NELL2: variants seen among roughly 807,000 people sequenced by gnomAD.
The protein encoded by NELL2 is protein kinase C-binding protein NELL2.
Under a neutral mutation model 109.6 loss-of-function variants are expected in NELL2, and 41 were observed. The observed-to-expected ratio is 0.37, with a 90% confidence interval of 0.29 to 0.49. The LOEUF is 0.49. Among genes scored for constraint, NELL2 ranks in the 20% least tolerant of loss-of-function variants. The probability of loss-of-function intolerance (pLI) is 0.98; values close to 1 mark genes in which losing one functional copy is unlikely to be tolerated. For missense variants in NELL2, 900 were observed against 1,008.3 expected (o/e 0.89, Z 1.45); for synonymous variants, 355 against 344.7 (o/e 1.03, Z -0.33).
intron 9 of NELL2, among the ~76,000 whole-genome samples, chr12:44,755,398 A>T (rs895915390): frequency 6.6e-6 from 1 of 152,028 alleles, no homozygotes; most frequent in Non-Finnish European, 1.5e-5. Flanking sequence ...ACATTCATAG[A>T]CACTCCCCTT....
At chr12:44,527,544 T>C (rs1049080222) in intron 16 of NELL2, among the ~76,000 whole-genome samples, 3 of 152,198 alleles carry the variant, frequency 2.0e-5, no homozygotes, top group Admixed American at 6.5e-5. Context: ...ACAGTGAAGT[T>C]ATTTATTCAT....
At chr12:44,568,792 TAC>T (rs2136192585) in intron 15 of NELL2, among the ~76,000 whole-genome samples, 1 of 152,190 alleles carries the variant, frequency 6.6e-6, no homozygotes, top group Non-Finnish European at 1.5e-5. Context: ...TATATACACA[TAC>T]ATATATAGCA....
At chr12:44,576,997 A>T (rs541490311) in intron 15 of NELL2, among the ~76,000 whole-genome samples, 1 of 140,256 alleles carries the variant, frequency 7.1e-6, no homozygotes, top group Non-Finnish European at 1.5e-5. Flanking sequence ...ATAGTGCCGC[A>T]ATAAACATAC....
At chr12:44,672,127 A>G (rs1192619709) in intron 12 of NELL2, among the ~76,000 whole-genome samples, 4 of 152,206 alleles carry the variant, frequency 2.6e-5, no homozygotes, top group African/African-American at 9.7e-5. Context: ...CAGCTGGAGC[A>G]AACGTTAATT....
chr12:44,682,310 G>A (rs529518702), intron 12 of NELL2, among the ~76,000 whole-genome samples: 1 of 150,884 alleles, frequency 6.6e-6, no homozygotes, highest in South Asian at 2.1e-4. Flanking sequence ...TGTAGATTCT[G>A]GGTATTAGCC....
chr12:44,906,689 G>GA, intron 1 of NELL2, among the ~76,000 whole-genome samples: 1 of 152,138 alleles, frequency 6.6e-6, no homozygotes, highest in East Asian at 1.9e-4. Context: ...TCACTGAGAT[G>GA]AAAAAACTAG....
intron 15 of NELL2, among the ~76,000 whole-genome samples, chr12:44,551,511 T>C (rs1943044158): frequency 8.0e-6 from 1 of 125,558 alleles, no homozygotes; most frequent in Non-Finnish European, 1.5e-5. Flanking sequence ...CTTGATGTAT[T>C]TAATATGTGT....
chr12:44,800,060 T>C (rs1942777413), intron 3 of NELL2, among the ~76,000 whole-genome samples: 2 of 152,080 alleles, frequency 1.3e-5, no homozygotes, highest in South Asian at 2.1e-4. Context: ...TATAGAAATA[T>C]ACAGACACAT....
At chr12:44,620,805 A>T (rs1566032747) in intron 13 of NELL2, among the ~76,000 whole-genome samples, 2 of 152,138 alleles carry the variant, frequency 1.3e-5, no homozygotes, top group Non-Finnish European at 2.9e-5. Context: ...CTGGGCACTA[A>T]ATAGCTCTTG....
In NELL2 at chr12:44,896,933, T is replaced by C. The variant is rs534536223; in HGVS notation, c.38+16866A>G. On this transcript the variant is annotated intron_variant, in intron 1 of 20. Transcript: ENST00000333837. The stretch of plus-strand genomic sequence containing the variant: ...GGGATTCTGGACTTTATTTTGAAGA[T>C]AATAGGAAAGCAATGAAGGTTTTTA... 2.6e-5 allele frequency among the ~76,000 whole-genome samples: 4 copies of C among 152,258 alleles called. No homozygotes were observed. The East Asian group carries it at 7.7e-4, about 29-fold the overall frequency.
chr12:44,547,802 C>A (rs1040908786), intron 15 of NELL2, among the ~76,000 whole-genome samples: 1 of 152,170 alleles, frequency 6.6e-6, no homozygotes, highest in East Asian at 1.9e-4. Flanking sequence ...CTGGACTCTT[C>A]TGCCTCCATG....
chr12:44,903,295 T>C (rs1214419034), intron 1 of NELL2, among the ~76,000 whole-genome samples: 2 of 152,320 alleles, frequency 1.3e-5, no homozygotes, highest in Middle Eastern at 3.4e-3. Flanking sequence ...TAAAAGCTCA[T>C]CATCACTGGT....
At chr12:44,809,168 A>T (rs988132845) in intron 3 of NELL2, among the ~76,000 whole-genome samples, 4 of 152,076 alleles carry the variant, frequency 2.6e-5, no homozygotes, top group African/African-American at 9.7e-5. Context: ...TAACATAAGG[A>T]TTTTATTTAT....
chr12:44,794,937 G>C (rs190812642), intron 3 of NELL2, among the ~76,000 whole-genome samples: 113 of 152,208 alleles, frequency 7.4e-4, no homozygotes, highest in Admixed American at 1.7e-3. Context: ...GAGTTAGCTG[G>C]AATCAGAAAT....
intron 3 of NELL2, among the ~76,000 whole-genome samples, chr12:44,813,234 T>C (rs1413272827): frequency 1.3e-5 from 2 of 152,222 alleles, no homozygotes; most frequent in African/African-American, 4.8e-5. Context: ...ACTAATCACA[T>C]GTAATGCATG....
At chr12:44,873,204 CA>C (rs1945214582) in intron 2 of NELL2, among the ~76,000 whole-genome samples, 1 of 152,136 alleles carries the variant, frequency 6.6e-6, no homozygotes, top group Non-Finnish European at 1.5e-5. Context: ...TTTACACCTT[CA>C]AATCTCATAA....
At chr12:44,886,569 GATAATTTAATACACTCAT>G (rs1276428999) in intron 1 of NELL2, among the ~76,000 whole-genome samples, 2 of 151,792 alleles carry the variant, frequency 1.3e-5, no homozygotes, top group Admixed American at 1.3e-4. Context: ...AGGTATATGA[GATAATTTAATACACTCAT>G]ATAATTTGTA....
At chr12:44,566,099 C>G (rs1943647442) in intron 15 of NELL2, among the ~76,000 whole-genome samples, 1 of 152,014 alleles carries the variant, frequency 6.6e-6, no homozygotes, top group Non-Finnish European at 1.5e-5. Context: ...TGGTTGCAGT[C>G]AAGATGAAGA....
At chr12:44,522,529 TTTTG>T (rs1268838714) in intron 17 of NELL2, among the ~76,000 whole-genome samples, 3 of 152,196 alleles carry the variant, frequency 2.0e-5, no homozygotes, top group Non-Finnish European at 4.4e-5. Flanking sequence ...CTAAATTTTG[TTTTG>T]TTTGAGGACA....
Sources: allele counts gnomAD v4.1 joint callset (sites outside exome capture counted in the v4.1 genomes callset), GRCh38; gene constraint gnomAD v4.1.1; transcripts MANE v1.5; gene names NCBI Gene and HGNC (gene_info 2026-07-23, HGNC 2026-07-21).